The following PDS5B variants were observed in gnomAD, a reference collection of about 807,000 sequenced individuals.
PDS5B encodes the protein PDS5 cohesin associated factor B, also known as sister chromatid cohesion protein PDS5 homolog B.
In PDS5B, 51 loss-of-function variants were observed where a neutral mutation model predicts 184.1. The observed-to-expected ratio is 0.28, with a 90% confidence interval of 0.22 to 0.35. PDS5B has a LOEUF of 0.35. Ranked by LOEUF, PDS5B falls within the 10% of genes least tolerant of loss-of-function variation. The pLI is 1.00. For synonymous variants in PDS5B, 566 were observed against 569.2 expected (o/e 0.99, Z 0.08); for missense variants, 1,180 against 1,723.3 (o/e 0.68, Z 5.58).
chr13:32,746,469 G>T (rs901748068), intron 24 of PDS5B, among the ~76,000 whole-genome samples: 2 of 152,164 alleles, frequency 1.3e-5, no homozygotes, highest in African/African-American at 4.8e-5. Context: ...TCTGTTTAAA[G>T]ACTATTTATT....
chr13:32,622,541 C>T (rs145030115), intron 1 of PDS5B, among the ~76,000 whole-genome samples: 4 of 152,122 alleles, frequency 2.6e-5, no homozygotes, highest in Non-Finnish European at 5.9e-5. Flanking sequence ...ACCAACAAAA[C>T]GTACTTGTTA....
chr13:32,694,274 G>A lies in PDS5B; in HGVS notation c.1521G>A (p.Lys507=). Residue 507 remains lysine (K), a synonymous_variant, in exon 14 of 35, where the codon AAG becomes AAA. Coordinates refer to ENST00000315596, the MANE Select transcript of PDS5B (RefSeq NM_015032.4). ...AAAATCTGCTCCGACATCAAGTAAA[G>A]GATTTGCTTGACTTGATTAAGCAAC... is the stretch of plus-strand genomic sequence containing the variant. The part of the protein sequence containing the change: ...KCQNLLRHQV[K]DLLDLIKQPK... The A allele has an allele frequency of 6.3e-7, 1 of 1,599,104 alleles. No homozygotes were observed.
intron 1 of PDS5B, among the ~76,000 whole-genome samples, chr13:32,630,484 C>G (rs1338453566): frequency 6.6e-6 from 1 of 152,108 alleles, no homozygotes; most frequent in Non-Finnish European, 1.5e-5. Context: ...CCTCCACTTG[C>G]AATAAAGAAT....
intron 2 of PDS5B, chr13:32,650,675 T>TA (rs1252755692): frequency 6.6e-6 from 1 of 152,182 alleles, no homozygotes; most frequent in African/African-American, 2.4e-5. Flanking sequence ...ATCATACCCT[T>TA]AATCTAAATG....
chr13:32,707,953 A>C (rs554655376), intron 18 of PDS5B, among the ~76,000 whole-genome samples: 1 of 152,012 alleles, frequency 6.6e-6, no homozygotes, highest in South Asian at 2.1e-4. Flanking sequence ...GCTTTCCAGA[A>C]GACATGCCCA....
At chr13:32,706,365 ACAT>A (rs1472574772) in intron 17 of PDS5B, among the ~76,000 whole-genome samples, 5 of 151,944 alleles carry the variant, frequency 3.3e-5, no homozygotes, top group Non-Finnish European at 7.4e-5. Context: ...AAGCTTGAAA[ACAT>A]CATGTTTCCT....
intron 25 of PDS5B, among the ~76,000 whole-genome samples, chr13:32,755,269 A>C (rs1324006808): frequency 6.6e-6 from 1 of 152,196 alleles, no homozygotes; most frequent in Non-Finnish European, 1.5e-5. Flanking sequence ...TGTTTATCTC[A>C]GCCAACATAC....
rs1953145081 is a variant in PDS5B at position 32,732,169 on chromosome 13, A to G, written c.2192A>G (p.His731Arg). 5 of 1,609,348 alleles carry G rather than the reference A, an allele frequency of 3.1e-6. No individual in the cohort carries two copies. Among genetic ancestry groups the G allele is most frequent in the African/African-American group, 1.3e-5 (1 of 74,748 alleles). The change falls in exon 20 of 35, where the codon CAT (histidine) becomes CGT (arginine). Residue 731 changes from histidine to arginine, a missense_variant. This residue lies in a region of PDS5B where 475 missense variants were observed against 691.5 expected (regional missense o/e 0.69). Transcript: ENST00000315596. The stretch of plus-strand genomic sequence containing the variant: ...CCCCGTCAAGCCAAATATGCCATTC[A>G]TTGTATCCATGCGATATTTTCTAGT... ...GPPRQAKYAI[H>R]CIHAIFSSKE... is the part of the protein sequence containing the mutation.
chr13:32,686,332 C>T lies in PDS5B; in HGVS notation c.1204-802C>T, dbSNP rs1464865629. Among the ~76,000 whole-genome samples, 7 of 152,218 alleles carry T rather than the reference C, an allele frequency of 4.6e-5. No homozygotes were observed. In the South Asian group the frequency reaches 6.2e-4, roughly 14 times the overall value. On this transcript the variant is annotated intron_variant, in intron 11 of 34. Transcript: ENST00000315596. ...AATGGACCACTGATAAGTATTTTTA[C>T]ATTCAGCATTTGATAAAGCCAATAT...
At chr13:32,631,384 C>T (rs533354925) in intron 1 of PDS5B, among the ~76,000 whole-genome samples, 5 of 152,264 alleles carry the variant, frequency 3.3e-5, no homozygotes, top group Admixed American at 2.0e-4. Flanking sequence ...TGAGCCGTGG[C>T]GCTCGGCCCC....
intron 1 of PDS5B, among the ~76,000 whole-genome samples, chr13:32,626,187 A>G (rs768353324): frequency 6.6e-6 from 1 of 152,116 alleles, no homozygotes; most frequent in Non-Finnish European, 1.5e-5. Flanking sequence ...AGCTGCTCTA[A>G]TTGAAGGTCT....
intron 13 of PDS5B, chr13:32,689,238 G>A (rs1951480142): frequency 6.6e-6 from 1 of 152,148 alleles, no homozygotes; most frequent in Non-Finnish European, 1.5e-5. Flanking sequence ...AATATTAAGG[G>A]TTAAATGTTG....
intron 19 of PDS5B, among the ~76,000 whole-genome samples, chr13:32,726,879 G>T (rs1425416681): frequency 1.3e-5 from 2 of 152,086 alleles, no homozygotes; most frequent in Non-Finnish European, 2.9e-5. Flanking sequence ...TTGTACCACT[G>T]CATTCCAGCC....
At chr13:32,646,526 G>A (rs1382868599) in intron 1 of PDS5B, among the ~76,000 whole-genome samples, 2 of 150,140 alleles carry the variant, frequency 1.3e-5, no homozygotes, top group Non-Finnish European at 3.0e-5. Context: ...CAAACTATAC[G>A]TTTCTATTGA....
intron 2 of PDS5B, among the ~76,000 whole-genome samples, chr13:32,651,433 T>C (rs928675181): frequency 6.6e-6 from 1 of 152,194 alleles, no homozygotes; most frequent in African/African-American, 2.4e-5. Context: ...ATTAGAAATA[T>C]TATTTTTAAA....
chr13:32,631,933 G>A (rs1359996115), intron 1 of PDS5B, among the ~76,000 whole-genome samples: 1 of 152,148 alleles, frequency 6.6e-6, no homozygotes, highest in East Asian at 1.9e-4. Flanking sequence ...TTCTAGAGGA[G>A]GAACCAGGAT....
At chr13:32,756,295 T>G (rs1319376408) in intron 26 of PDS5B, among the ~76,000 whole-genome samples, 1 of 151,334 alleles carries the variant, frequency 6.6e-6, no homozygotes, top group Non-Finnish European at 1.5e-5. Context: ...TGAGGTCAAT[T>G]AATCATCTTG....
At chr13:32,751,635 G>C (rs990630514) in intron 24 of PDS5B, among the ~76,000 whole-genome samples, 1 of 152,120 alleles carries the variant, frequency 6.6e-6, no homozygotes, top group Non-Finnish European at 1.5e-5. Context: ...TCATATGCTT[G>C]TTGTCTGTGT....
At chr13:32,607,838 G>A (rs1593254090) in intron 1 of PDS5B, among the ~76,000 whole-genome samples, 4 of 152,320 alleles carry the variant, frequency 2.6e-5, no homozygotes, top group Non-Finnish European at 4.4e-5. Flanking sequence ...GTGAGGCTCC[G>A]TGGGTGTGGG....
Sources: gnomAD v4.1 joint callset for allele counts (sites outside exome capture counted in the v4.1 genomes callset) on GRCh38, gnomAD v4.1.1 for gene constraint, gnomAD v4.1.1 regional missense constraint, MANE v1.5 for transcripts, NCBI Gene and HGNC (gene_info 2026-07-23, HGNC 2026-07-21) for gene names.